HERC1: variants seen among roughly 807,000 people sequenced by gnomAD.
HERC1 encodes the protein probable E3 ubiquitin-protein ligase HERC1.
A neutral mutation model predicts 554.3 loss-of-function variants in HERC1; 160 were observed. That is an observed-to-expected ratio of 0.29 (90% CI 0.25 to 0.33). HERC1 has a LOEUF of 0.33. Ranked by LOEUF, HERC1 falls within the 10% of genes least tolerant of loss-of-function variation. The pLI is 1.00. For missense variants in HERC1, 4,919 were observed against 5,918.5 expected, an observed-to-expected ratio of 0.83 and a Z score of 5.54; for synonymous variants, 2,175 against 2,131.7, an observed-to-expected ratio of 1.02 and a Z score of -0.56.
At chr15:63,778,087 C>T (rs997734806) in intron 1 of HERC1, among the ~76,000 whole-genome samples, 1 of 152,096 alleles carries the variant, frequency 6.6e-6, no homozygotes, top group Non-Finnish European at 1.5e-5. Context: ...TATACCAAAC[C>T]ACACCTGTAG....
intron 12 of HERC1, among the ~76,000 whole-genome samples, chr15:63,742,615 T>C (rs2074855289): frequency 6.6e-6 from 1 of 152,206 alleles, no homozygotes; most frequent in Non-Finnish European, 1.5e-5. Flanking sequence ...TTTTCATAGA[T>C]GCCCTTTTCA....
rs545465399 is a variant in HERC1, at chr15:63,699,561, T to C, written c.4637-565A>G. Among the ~76,000 whole-genome samples, 13 of 152,312 alleles carry C rather than the reference T, an allele frequency of 8.5e-5. No individual in the cohort carries two copies. The East Asian group carries it at 2.5e-3, about 29-fold the overall frequency. ...CATCACCCTTTGGGTTTCATTAATA[T>C]AAGGAACATTCTCACTGACTGTGTC... On this transcript the variant is annotated intron_variant, in intron 25 of 77. Transcript: ENST00000443617.
At chr15:63,802,273 G>A (rs1250698914) in intron 1 of HERC1, among the ~76,000 whole-genome samples, 1 of 152,068 alleles carries the variant, frequency 6.6e-6, no homozygotes, top group East Asian at 1.9e-4. Flanking sequence ...TTGAACTCCT[G>A]CTAAAAAAGA....
chr15:63,773,630 G>A (rs868641047), intron 2 of HERC1, among the ~76,000 whole-genome samples: 152 of 150,930 alleles, frequency 1.0e-3, no homozygotes, highest in African/African-American at 2.4e-3. Context: ...TGCAACCTCC[G>A]TCTCCTGGGT....
intron 50 of HERC1, 139 bp from the exon 51 acceptor site, chr15:63,654,463 G>A (rs2152903487): frequency 1.6e-6 from 1 of 621,422 alleles, no homozygotes; most frequent in South Asian, 2.0e-5. Context: ...TTTAAGAATT[G>A]GCACTTTTGC....
chr15:63,625,317 T>C (rs1411981236), intron 71 of HERC1, among the ~76,000 whole-genome samples: 1 of 152,230 alleles, frequency 6.6e-6, no homozygotes, highest in East Asian at 1.9e-4. Context: ...ACCCTGACTG[T>C]GGTTCCAACA....
At chr15:63,645,436 A>G (rs766614434) in intron 56 of HERC1, 47 bp downstream of exon 56, 19 of 1,401,146 alleles carry the variant, frequency 1.4e-5, no homozygotes, top group Non-Finnish European at 1.9e-5. Context: ...ATAACAGTCT[A>G]TACCAATATA....
chr15:63,664,373 A>G (rs1454909209), intron 43 of HERC1, 97 bp downstream of exon 43: 4 of 1,058,974 alleles, frequency 3.8e-6, no homozygotes, highest in Non-Finnish European at 5.6e-6. Context: ...GGGACTGAGC[A>G]CTTAGTATCA....
rs762915282 is a variant in HERC1 at position 63,723,248 on chromosome 15, A to C, written c.3676T>G (p.Leu1226Val). 6.2e-7 allele frequency: 1 copy of C among 1,600,456 alleles called. No homozygotes were observed. Among genetic ancestry groups the C allele is most frequent in the East Asian group, 2.2e-5 (1 of 44,628 alleles). ...CGGGCAGGCTCTTTAGAACAACCCAATGCCAAGTCTACATAGACAGCAATT... is the reference window on the plus strand; with the variant it reads ...CGGGCAGGCTCTTTAGAACAACCCACTGCCAAGTCTACATAGACAGCAATT... ...PEIAVYVDLA[L>V]GCSKEPARSL... The change falls in exon 19 of 78, where the codon TTG becomes GTG. Residue 1226 changes from leucine (L) to valine (V), a missense_variant. Leu to Val is a conservative substitution (Grantham distance 32). Transcript: ENST00000443617.
rs76073539 is a variant in HERC1 at position 63,673,723 on chromosome 15, T to C, written c.7846+619A>G. ...TCTCTGAGAAGATATCAGAATACTA[T>C]GTATTTTGGTTTGTTTTTTGAGACA... On this transcript the variant is annotated intron_variant, in intron 38 of 77. Transcript: ENST00000443617. Among the ~76,000 whole-genome samples the C allele has an allele frequency of 4.1e-4, 62 of 152,326 alleles. No homozygotes were observed. The East Asian group carries it at 4.2e-3, about 10-fold the overall frequency.
chr15:63,820,401 T>G (rs1173242792), intron 1 of HERC1, among the ~76,000 whole-genome samples: 1 of 152,182 alleles, frequency 6.6e-6, no homozygotes, highest in Non-Finnish European at 1.5e-5. Flanking sequence ...TGATACTTCA[T>G]AAAAAAGATA....
chr15:63,694,063 G>C lies in HERC1; in HGVS notation c.5575C>G (p.Leu1859Val), dbSNP rs1445070715. 1.2e-6 allele frequency: 2 copies of C among 1,608,146 alleles called. No individual in the cohort carries two copies. Among genetic ancestry groups the C allele is most frequent in the African/African-American group, 1.3e-5 (1 of 74,814 alleles). ...CCTTCTCCGAAAGAGGCCATATGTA[G>C]TACACCAGTTTGGGACAATAAATTC... is the stretch of plus-strand genomic sequence containing the variant. Reference protein sequence around the residue: ...LKNLLSQTGVLHMASFGEGEQ... With the variant: ...LKNLLSQTGVVHMASFGEGEQ... Residue 1859 changes from leucine to valine, a missense_variant, in exon 30 of 78, where the codon CTA (leucine) becomes GTA (valine). Around this residue, in one of 11 missense-constraint regions of HERC1, gnomAD observed 1,121 missense variants for 1,244.0 expected, o/e 0.90. Coordinates refer to ENST00000443617, the MANE Select transcript of HERC1 (RefSeq NM_003922.4). This position sits in a 1 kb window ranked among gnomAD's most constrained non-coding sequence, Gnocchi z 4.3.
At chr15:63,762,414 C>T (rs1261293919) in intron 3 of HERC1, among the ~76,000 whole-genome samples, 1 of 152,170 alleles carries the variant, frequency 6.6e-6, no homozygotes, top group East Asian at 1.9e-4. Flanking sequence ...ACCTCCACCT[C>T]CCGGGTTCAA....
chr15:63,667,746 A>T (rs1344246542), intron 40 of HERC1, among the ~76,000 whole-genome samples: 1 of 152,204 alleles, frequency 6.6e-6, no homozygotes, highest in East Asian at 1.9e-4. Flanking sequence ...ACCAGAAGGT[A>T]ATCTCTAAAA....
chr15:63,733,988 C>T (rs2074400578), intron 13 of HERC1, among the ~76,000 whole-genome samples: 1 of 152,042 alleles, frequency 6.6e-6, no homozygotes, highest in East Asian at 1.9e-4. Flanking sequence ...TACAGCAAGA[C>T]CCCACCGCTA....
At position 63,666,088 on chromosome 15, in the gene HERC1, G is replaced by A. The variant is rs778624392; in HGVS notation, c.8386C>T (p.Pro2796Ser). Residue 2796 changes from proline to serine, a missense_variant, in exon 42 of 78, where the codon CCT (proline) becomes TCT (serine). Coordinates refer to ENST00000443617, the MANE Select transcript of HERC1 (RefSeq NM_003922.4). ...GGCTCCTCTTCATCCTCATGCCCAGGGTGCTCTATCATCCACATGGCAAGG... is the reference window on the plus strand; with the variant it reads ...GGCTCCTCTTCATCCTCATGCCCAGAGTGCTCTATCATCCACATGGCAAGG... ...TVLAMWMIEH[P>S]GHEDEEEPQS... The A allele has an allele frequency of 6.2e-7, 1 of 1,613,988 alleles. No individual in the cohort carries two copies. The highest frequency in any genetic ancestry group is 1.7e-5 in the Admixed American group (1 of 60,020).
At chr15:63,671,420 C>G (rs2070916218) in intron 39 of HERC1, among the ~76,000 whole-genome samples, 1 of 151,658 alleles carries the variant, frequency 6.6e-6, no homozygotes, top group South Asian at 2.1e-4. Flanking sequence ...CCTATTATTC[C>G]TCTATCTTCC....
intron 1 of HERC1, among the ~76,000 whole-genome samples, chr15:63,811,012 G>C (rs1448392484): frequency 6.6e-6 from 1 of 151,692 alleles, no homozygotes; most frequent in East Asian, 1.9e-4. Flanking sequence ...ATTCAATAAA[G>C]TTAATGTCAT....
chr15:63,705,518 T>C (rs2072956828), intron 25 of HERC1, among the ~76,000 whole-genome samples: 2 of 152,176 alleles, frequency 1.3e-5, no homozygotes, highest in Admixed American at 6.5e-5. Context: ...GAAAAAATTA[T>C]GTGTGCATTG....
Sources: allele counts gnomAD v4.1 joint callset (sites outside exome capture counted in the v4.1 genomes callset), GRCh38; gene constraint gnomAD v4.1.1; regional missense constraint gnomAD v4.1.1; non-coding constraint Gnocchi (gnomAD v3.1); transcripts MANE v1.5; gene names NCBI Gene and HGNC (gene_info 2026-07-23, HGNC 2026-07-21).